OR1L8: variants seen among roughly 807,000 people sequenced by gnomAD.
OR1L8 encodes the protein olfactory receptor 1L8.
For synonymous variants in OR1L8, 148 were observed against 147.0 expected (o/e 1.01, Z -0.05); for missense variants, 330 against 377.4 (o/e 0.87, Z 1.04).
chr9:122,552,073 T>A, the OR1L8 span, among the ~76,000 whole-genome samples: 13,563 of 140,406 alleles, frequency 0.097, 868 homozygotes, highest in African/African-American at 0.13. Flanking sequence ...TCTCTCTCTC[T>A]CTCTCTCACA....
At chr9:122,551,603 A>C in the OR1L8 span, among the ~76,000 whole-genome samples, 17 of 152,260 alleles carry the variant, frequency 1.1e-4, no homozygotes, top group African/African-American at 4.1e-4. Context: ...GTCAGGCTGA[A>C]GTACACTGCA....
At chr9:122,560,260 A>G in the OR1L8 span, among the ~76,000 whole-genome samples, 3 of 152,016 alleles carry the variant, frequency 2.0e-5, no homozygotes, top group Non-Finnish European at 4.4e-5. Context: ...ATAGCACACC[A>G]ATAGGTCTTG....
intron 1 of OR1L8, among the ~76,000 whole-genome samples, chr9:122,580,258 CAT>C (rs1465676879): frequency 6.6e-6 from 1 of 152,152 alleles, no homozygotes; most frequent in Non-Finnish European, 1.5e-5. Context: ...TTTTAAATTT[CAT>C]ATAAGTGCAC....
Position 122,568,054 on chromosome 9 carries a change from A to AGTG in OR1L8, c.421_423dup (p.His141dup). 1 of 1,614,040 alleles carries AGTG rather than the reference A, an allele frequency of 6.2e-7. No homozygotes were observed. Among genetic ancestry groups the AGTG allele is most frequent in the Non-Finnish European group, 8.5e-7 (1 of 1,179,940 alleles). ...CAGGAGAAGGCCACCAGCAGGACAC[A>AGTG]GTGGTGGTGGCTCATGGTGGTGACA... On this transcript the variant is annotated inframe_insertion, in exon 5 of 5. Transcript: ENST00000641027.
At chr9:122,553,037 C>G in the OR1L8 span, 1 of 696,668 alleles carries the variant, frequency 1.4e-6, no homozygotes, top group Non-Finnish European at 2.5e-6. Context: ...TTGGGTATTT[C>G]CTTGCATTCC....
chr9:122,555,775 A>G, the OR1L8 span, among the ~76,000 whole-genome samples: 2 of 152,204 alleles, frequency 1.3e-5, no homozygotes, highest in African/African-American at 2.4e-5. Context: ...AATTGAGCAG[A>G]AAGTTCCCAT....
intron 1 of OR1L8, among the ~76,000 whole-genome samples, chr9:122,581,879 T>A (rs1021485534): frequency 2.0e-5 from 3 of 152,042 alleles, no homozygotes; most frequent in Admixed American, 2.0e-4. Flanking sequence ...GACACTGCAC[T>A]CCAGCCTGGG....
downstream of OR1L8, among the ~76,000 whole-genome samples, chr9:122,565,124 C>G (rs1429515982): frequency 2.6e-5 from 4 of 152,186 alleles, no homozygotes; most frequent in African/African-American, 9.7e-5. Flanking sequence ...TCTGGCCCCT[C>G]TTACACCCAA....
the OR1L8 span, among the ~76,000 whole-genome samples, chr9:122,557,053 AAGAGAGCAAC>A: frequency 2.0e-5 from 3 of 152,168 alleles, no homozygotes; most frequent in African/African-American, 7.2e-5. Flanking sequence ...GCTGCTATGT[AAGAGAGCAAC>A]TGGCTTTTGT....
the OR1L8 span, among the ~76,000 whole-genome samples, chr9:122,559,083 T>C: frequency 6.6e-6 from 1 of 152,152 alleles, no homozygotes; most frequent in African/African-American, 2.4e-5. Context: ...TCTGGCTATG[T>C]TGAAATTACA....
intron 4 of OR1L8, among the ~76,000 whole-genome samples, chr9:122,570,380 T>C (rs910211649): frequency 3.9e-5 from 6 of 152,260 alleles, no homozygotes; most frequent in African/African-American, 1.4e-4. Flanking sequence ...CTTTTACACA[T>C]TGTGAATGGG....
rs1215708972 is a variant in OR1L8 at position 122,567,218 on chromosome 9, T to C, written c.*330A>G. ...CAATATATTGAAATGTGAAGAATTT[T>C]GGAGGATCTGCCTTAATAAAAGGAG... On this transcript the variant is annotated 3_prime_UTR_variant, in exon 5 of 5. Coordinates refer to ENST00000641027, the MANE Select transcript of OR1L8 (RefSeq NM_001004454.2). The C allele has an allele frequency of 5.0e-6, 1 of 199,556 alleles. No homozygotes were observed. The highest frequency in any genetic ancestry group is 1.0e-5 in the Non-Finnish European group (1 of 99,632). 12.4% of individuals were successfully genotyped at this position (199,556 alleles called of 1,614,324 possible).
At chr9:122,572,298 C>T (rs962050743) in intron 4 of OR1L8, among the ~76,000 whole-genome samples, 1 of 152,132 alleles carries the variant, frequency 6.6e-6, no homozygotes, top group African/African-American at 2.4e-5. Flanking sequence ...AAGTGAGATA[C>T]CATGTCTGAA....
the OR1L8 span, among the ~76,000 whole-genome samples, chr9:122,555,029 C>A: frequency 6.6e-6 from 1 of 151,990 alleles, no homozygotes; most frequent in Non-Finnish European, 1.5e-5. Flanking sequence ...CAATGGTTTT[C>A]TTTTTGCAAT....
At chr9:122,559,315 T>A in the OR1L8 span, among the ~76,000 whole-genome samples, 2 of 151,958 alleles carry the variant, frequency 1.3e-5, no homozygotes, top group African/African-American at 2.4e-5. Context: ...TATTTTTTTT[T>A]ATTTTACTTT....
chr9:122,554,362 G>T, the OR1L8 span: 1 of 532,796 alleles, frequency 1.9e-6, no homozygotes, highest in Non-Finnish European at 3.3e-6. Context: ...CCTCTTTCCT[G>T]ACCCCAGTGA....
intron 1 of OR1L8, among the ~76,000 whole-genome samples, chr9:122,582,560 TAAA>T (rs5900535): frequency 6.7e-6 from 1 of 149,242 alleles, no homozygotes; most frequent in Non-Finnish European, 1.5e-5. Context: ...TGCACAAAAT[TAAA>T]AAAAAAATTA....
intron 4 of OR1L8, among the ~76,000 whole-genome samples, chr9:122,569,843 C>A (rs955826986): frequency 1.3e-5 from 2 of 151,516 alleles, no homozygotes; most frequent in Non-Finnish European, 2.9e-5. Context: ...CCCCACCCCA[C>A]AACAGTCCCC....
chr9:122,563,719 C>A (rs1411759764), downstream of OR1L8, among the ~76,000 whole-genome samples: 1 of 152,192 alleles, frequency 6.6e-6, no homozygotes, highest in African/African-American at 2.4e-5. Flanking sequence ...TCCCCTATGG[C>A]TTTGTCTAGT....
Sources: gnomAD v4.1 joint callset for allele counts (sites outside exome capture counted in the v4.1 genomes callset) on GRCh38, gnomAD v4.1.1 for gene constraint, MANE v1.5 for transcripts, NCBI Gene and HGNC (gene_info 2026-07-23, HGNC 2026-07-21) for gene names.